Variants in WWOX observed in about 807,000 individuals in gnomAD.
The protein encoded by WWOX is WW domain containing oxidoreductase, also known as WW domain-containing oxidoreductase.
A neutral mutation model predicts 46.2 loss-of-function variants in WWOX; 69 were observed. That is an observed-to-expected ratio of 1.49 (90% CI 1.23 to 1.82). WWOX has a LOEUF of 1.82. Ranked by LOEUF, WWOX falls within the 40% of genes most tolerant of loss-of-function variation. The pLI is 0.00. For missense variants in WWOX, 919 were observed against 542.6 expected (o/e 1.69, Z -6.89); for synonymous variants, 359 against 202.6 (o/e 1.77, Z -6.56).
chr16:78,693,532 T>C (rs946988849), intron 8 of WWOX, among the ~76,000 whole-genome samples: 2 of 152,180 alleles, frequency 1.3e-5, no homozygotes, highest in African/African-American at 4.8e-5. Context: ...GTTTAAAATA[T>C]ACACAGAACC....
chr16:78,334,823 CACACACACAT>C (rs778326140), intron 5 of WWOX, among the ~76,000 whole-genome samples: 8,217 of 115,154 alleles, frequency 0.071, 270 homozygotes, highest in Non-Finnish European at 0.083. Context: ...CACACACACA[CACACACACAT>C]ACACACACAC....
chr16:79,057,504 T>A (rs2048285021), intron 8 of WWOX, among the ~76,000 whole-genome samples: 1 of 152,206 alleles, frequency 6.6e-6, no homozygotes. Context: ...TTCTGTTATA[T>A]TTCCTGTGGC....
chr16:78,717,314 A>C (rs906697751), intron 8 of WWOX, among the ~76,000 whole-genome samples: 11 of 152,350 alleles, frequency 7.2e-5, no homozygotes, highest in Non-Finnish European at 1.5e-4. Flanking sequence ...CAGCATAATA[A>C]TTACAATAAG....
intron 8 of WWOX, among the ~76,000 whole-genome samples, chr16:78,687,570 G>A (rs1000106758): frequency 4.7e-5 from 7 of 149,332 alleles, no homozygotes. Flanking sequence ...ACTTTATGAG[G>A]TTGGGTAATG....
At chr16:78,934,958 C>T (rs1024094957) in intron 8 of WWOX, among the ~76,000 whole-genome samples, 8 of 152,230 alleles carry the variant, frequency 5.3e-5, no homozygotes, top group East Asian at 1.9e-4. Flanking sequence ...ACATTAGACA[C>T]TTTTCAAAAG....
intron 5 of WWOX, among the ~76,000 whole-genome samples, chr16:78,331,224 C>G (rs183907562): frequency 1.2e-3 from 183 of 152,248 alleles, no homozygotes; most frequent in Middle Eastern, 3.4e-3. Context: ...AGGGTGTTAG[C>G]TTCTTCATGC....
intron 8 of WWOX, among the ~76,000 whole-genome samples, chr16:78,472,011 A>C (rs2084234635): frequency 6.6e-6 from 1 of 152,212 alleles, no homozygotes; most frequent in South Asian, 2.1e-4. Flanking sequence ...TTATTCAGCG[A>C]AGACATTCCT....
At chr16:78,257,941 A>AC (rs11393403) in intron 5 of WWOX, among the ~76,000 whole-genome samples, 100,001 of 151,830 alleles carry the variant, frequency 0.66, 34,108 homozygotes, top group East Asian at 0.9. Flanking sequence ...CTCCTAAAAA[A>AC]ATCAGAGACT....
At chr16:78,962,397 C>G (rs993722585) in intron 8 of WWOX, among the ~76,000 whole-genome samples, 2 of 133,572 alleles carry the variant, frequency 1.5e-5, no homozygotes, top group East Asian at 4.9e-4. Flanking sequence ...TGGACAAGGG[C>G]TAGGAGGCTG....
intron 8 of WWOX, among the ~76,000 whole-genome samples, chr16:78,699,693 A>G (rs1416444083): frequency 1.3e-5 from 2 of 152,212 alleles, no homozygotes; most frequent in African/African-American, 4.8e-5. Flanking sequence ...CTGCCCGCTG[A>G]TATCTACAGC....
chr16:78,359,856 T>G (rs2081372482), intron 5 of WWOX, among the ~76,000 whole-genome samples: 1 of 152,164 alleles, frequency 6.6e-6, no homozygotes, highest in African/African-American at 2.4e-5. Flanking sequence ...ATGGACTTAA[T>G]TTTGTTTTGA....
At chr16:78,784,781 C>T (rs543582809) in intron 8 of WWOX, among the ~76,000 whole-genome samples, 4 of 152,104 alleles carry the variant, frequency 2.6e-5, no homozygotes, top group Non-Finnish European at 5.9e-5. Context: ...AGGTCAGCTC[C>T]TGACCTTCAT....
At chr16:79,011,088 A>G (rs1486679376) in intron 8 of WWOX, among the ~76,000 whole-genome samples, 3 of 151,552 alleles carry the variant, frequency 2.0e-5, no homozygotes, top group African/African-American at 7.3e-5. Context: ...TGTGACATGT[A>G]TCTTTACATA....
In WWOX at chr16:78,683,971, T is replaced by A. The variant is rs557654901; in HGVS notation, c.1056+251219T>A. Among the ~76,000 whole-genome samples the A allele has an allele frequency of 5.9e-5, 9 of 152,342 alleles. No individual in the cohort carries two copies. In the East Asian group the frequency reaches 1.5e-3, roughly 26 times the overall value. ...AGTTTTGGGTAACTGTCTCTTGCGATCCCCTCCTGCACAACTGTGGCGTTC... is the reference window on the plus strand; with the variant it reads ...AGTTTTGGGTAACTGTCTCTTGCGAACCCCTCCTGCACAACTGTGGCGTTC... On this transcript the variant is annotated intron_variant, in intron 8 of 8. Coordinates refer to ENST00000566780, the MANE Select transcript of WWOX (RefSeq NM_016373.4).
intron 4 of WWOX, among the ~76,000 whole-genome samples, chr16:78,142,935 G>C (rs2034036710): frequency 6.6e-6 from 1 of 152,196 alleles, no homozygotes; most frequent in Admixed American, 6.5e-5. Flanking sequence ...TGTTGGACTG[G>C]AAACAGAATC....
Position 78,478,069 on chromosome 16 carries a change from C to G in WWOX, c.1056+45317C>G, listed in dbSNP as rs753480767. Among the ~76,000 whole-genome samples the G allele has an allele frequency of 1.2e-3, 183 of 152,052 alleles. 1 individual carries two copies. The highest frequency in any genetic ancestry group is 2.2e-3 in the Admixed American group (34 of 15,274). ...GAAATATTCGTAATCAATAAGAACA[C>G]AAAATATGGAATATATTAACTGAGT... On this transcript the variant is annotated intron_variant, in intron 8 of 8. Transcript: ENST00000566780.
At chr16:78,668,234 C>A (rs529208575) in intron 8 of WWOX, among the ~76,000 whole-genome samples, 1 of 152,154 alleles carries the variant, frequency 6.6e-6, no homozygotes, top group African/African-American at 2.4e-5. Context: ...CAGCCGAGAT[C>A]TATGCCATTG....
At chr16:78,587,155 G>A (rs2045227527) in intron 8 of WWOX, among the ~76,000 whole-genome samples, 1 of 149,742 alleles carries the variant, frequency 6.7e-6, no homozygotes, top group African/African-American at 2.5e-5. Flanking sequence ...CCTCTTGAGT[G>A]GCTGGAACCA....
At chr16:78,534,709 T>C (rs150416831) in intron 8 of WWOX, among the ~76,000 whole-genome samples, 2,120 of 152,150 alleles carry the variant, frequency 0.014, 23 homozygotes, top group African/African-American at 0.026. Flanking sequence ...TCTTTTTATT[T>C]TTTTATTTCA....
Sources: gnomAD v4.1 joint callset for allele counts (sites outside exome capture counted in the v4.1 genomes callset) on GRCh38, gnomAD v4.1.1 for gene constraint, MANE v1.5 for transcripts, NCBI Gene and HGNC (gene_info 2026-07-23, HGNC 2026-07-21) for gene names.